CELF1: variants seen among roughly 807,000 people sequenced by gnomAD.
CELF1 encodes 50 kDa nuclear polyadenylated RNA-binding protein.
A neutral mutation model predicts 61.8 loss-of-function variants in CELF1; 10 were observed. That is an observed-to-expected ratio of 0.16 (90% CI 0.10 to 0.27). The LOEUF (loss-of-function observed/expected upper bound fraction) is 0.27. Among genes scored for constraint, CELF1 ranks in the 10% least tolerant of loss-of-function variants. The pLI, the probability that CELF1 is intolerant of heterozygous loss-of-function variation, is 1.00. For synonymous variants in CELF1, 236 were observed against 225.1 expected (o/e 1.05, Z -0.43); for missense variants, 380 against 639.1 (o/e 0.59, Z 4.37).
Position 47,470,804 on chromosome 11 carries a change from C to T in CELF1, c.*1426G>A, listed in dbSNP as rs1472838763. ...TGTACATTCCCAACAGCATGTCCTT[C>T]CTGGTTCTCTACCCCCACAGCACTT... is the stretch of plus-strand genomic sequence containing the variant. On this transcript the variant is annotated 3_prime_UTR_variant, in exon 15 of 15. Transcript: ENST00000687097. 1 of 152,230 alleles carries T rather than the reference C, an allele frequency of 6.6e-6. No homozygotes were observed. Among genetic ancestry groups the T allele is most frequent in the East Asian group, 1.9e-4 (1 of 5,194 alleles). The allele number at this position is 152,230 out of a possible 1,614,324, so 9.4% of individuals were successfully genotyped here.
chr11:47,544,184 T>C (rs902943978), intron 1 of CELF1, among the ~76,000 whole-genome samples: 4 of 152,208 alleles, frequency 2.6e-5, no homozygotes, highest in African/African-American at 9.6e-5. Context: ...AAAGGAACAC[T>C]GACATAGTAG....
chr11:47,488,899 T>C lies in CELF1; in HGVS notation c.197A>G (p.Tyr66Cys). 6.2e-7 allele frequency: 1 copy of C among 1,612,982 alleles called. No homozygotes were observed. Among genetic ancestry groups the C allele is most frequent in the Non-Finnish European group, 8.5e-7 (1 of 1,179,632 alleles). ...EKDLRELFEQ[Y>C]GAVYEINVLR... ...GACGTTGATTTCATACACAGCACCATACTGTTCGAAGAGTTCCCGCAAGTC... is the reference window on the plus strand; with the variant it reads ...GACGTTGATTTCATACACAGCACCACACTGTTCGAAGAGTTCCCGCAAGTC... The change falls in exon 4 of 15, where the codon TAT (tyrosine) becomes TGT (cysteine). Residue 66 changes from tyrosine to cysteine, a missense_variant. Coordinates refer to ENST00000687097, the MANE Select transcript of CELF1 (RefSeq NM_001376376.1).
intron 3 of CELF1, among the ~76,000 whole-genome samples, chr11:47,491,616 A>C (rs2091514990): frequency 6.6e-6 from 1 of 152,288 alleles, no homozygotes; most frequent in Non-Finnish European, 1.5e-5. Flanking sequence ...CAGGTTAACT[A>C]ATCAGCTACA....
intron 2 of CELF1, 165 bp from the exon 3 acceptor site, chr11:47,499,769 T>C (rs1335551987): frequency 4.1e-6 from 2 of 484,516 alleles, no homozygotes; most frequent in Admixed American, 3.7e-5. Context: ...ACAATGAAAG[T>C]GCTGATGCGC....
At chr11:47,530,633 A>G (rs1439772941) in intron 1 of CELF1, among the ~76,000 whole-genome samples, 1 of 152,206 alleles carries the variant, frequency 6.6e-6, no homozygotes, top group Non-Finnish European at 1.5e-5. Flanking sequence ...GTGAGACATG[A>G]AAACTGGGAG....
chr11:47,522,727 G>A (rs188189500), intron 1 of CELF1, among the ~76,000 whole-genome samples: 175 of 151,534 alleles, frequency 1.2e-3, no homozygotes, highest in Non-Finnish European at 2.1e-3. Context: ...CTCAGAGGCT[G>A]AGGCAGGAGA....
At chr11:47,513,935 T>TTC (rs907007562) in intron 1 of CELF1, 1 of 150,442 alleles carries the variant, frequency 6.6e-6, no homozygotes, top group Admixed American at 6.7e-5. Flanking sequence ...ATTTTCCTTT[T>TTC]TTTTTTCCCC....
chr11:47,514,692 C>CA (rs34636337), intron 1 of CELF1, among the ~76,000 whole-genome samples: 44,788 of 106,044 alleles, frequency 0.42, 10,100 homozygotes, highest in South Asian at 0.53. Flanking sequence ...CCTATCTCTA[C>CA]AAAAAAAAAA....
At chr11:47,489,935 G>GTTTTTTTTTTT (rs561900704) in intron 3 of CELF1, among the ~76,000 whole-genome samples, 582 of 48,208 alleles carry the variant, frequency 0.012, 164 homozygotes, top group African/African-American at 0.028. Flanking sequence ...ATACCATCTT[G>GTTTTTTTTTTT]TTTTTTTTTT....
At chr11:47,541,719 AAAGAAAGAACG>A (rs1565904415) in intron 1 of CELF1, among the ~76,000 whole-genome samples, 1 of 7,268 alleles carries the variant, frequency 1.4e-4, no homozygotes, top group African/African-American at 2.9e-4. Context: ...AGAAAGAAAG[AAAGAAAGAACG>A]AAAGAAAGAA....
intron 3 of CELF1, among the ~76,000 whole-genome samples, chr11:47,497,883 G>T (rs1215949263): frequency 6.6e-6 from 1 of 152,180 alleles, no homozygotes; most frequent in Admixed American, 6.5e-5. Flanking sequence ...AGAATGCTGT[G>T]TCAATGTTGG....
At chr11:47,495,958 C>T (rs1404355017) in intron 3 of CELF1, 1 of 984,888 alleles carries the variant, frequency 1.0e-6, no homozygotes, top group Non-Finnish European at 1.2e-6. Flanking sequence ...CCTCCACCTC[C>T]CCAGCAGGCA....
chr11:47,478,966 C>A lies in CELF1; in HGVS notation c.769-14G>T, dbSNP rs1317041198. 1 of 1,605,310 alleles carries A rather than the reference C, an allele frequency of 6.2e-7. No homozygotes were observed. The highest frequency in any genetic ancestry group is 8.5e-7 in the Non-Finnish European group (1 of 1,175,040). On this transcript the variant is annotated splice_polypyrimidine_tract_variant and intron_variant, in intron 9 of 14. Transcript: ENST00000687097. ...CTGCAAATAAAGCTAGACATTACAC[C>A]AAAAAACAGAACAAGAGTGAGAGTG...
At chr11:47,539,647 C>T (rs1433359846) in intron 1 of CELF1, among the ~76,000 whole-genome samples, 2 of 152,116 alleles carry the variant, frequency 1.3e-5, no homozygotes, top group Non-Finnish European at 2.9e-5. Context: ...AAAGTTATTT[C>T]GGCTGAAAAT....
At chr11:47,516,462 A>T (rs1226601652) in intron 1 of CELF1, among the ~76,000 whole-genome samples, 1 of 152,152 alleles carries the variant, frequency 6.6e-6, no homozygotes, top group East Asian at 1.9e-4. Flanking sequence ...GCTACAGCTG[A>T]TAATTAAGCT....
chr11:47,483,315 A>T, intron 8 of CELF1, 138 bp downstream of exon 8: 2 of 690,532 alleles, frequency 2.9e-6, no homozygotes, highest in South Asian at 1.7e-5. Flanking sequence ...TAAAGAAATC[A>T]GTGGTTTTTA....
intron 1 of CELF1, among the ~76,000 whole-genome samples, chr11:47,552,132 C>A (rs181940731): frequency 1.3e-3 from 201 of 152,220 alleles, no homozygotes; most frequent in African/African-American, 4.7e-3. Context: ...CCTTTTTACT[C>A]GAAGGTAATA....
rs117924501 is a variant in CELF1, at chr11:47,532,361, T to C, written c.-154+20631A>G. ...CTTTTATGATGAGAGAAAAACAATG[T>C]ATAGCTTTAAAATGGGGAATCCACA... is the stretch of plus-strand genomic sequence containing the variant. On this transcript the variant is annotated intron_variant, in intron 1 of 14. Coordinates refer to ENST00000687097, the MANE Select transcript of CELF1 (RefSeq NM_001376376.1). Among the ~76,000 whole-genome samples, 406 of 152,286 alleles carry C rather than the reference T, an allele frequency of 2.7e-3. 1 individual carries two copies. Among genetic ancestry groups the C allele is most frequent in the South Asian group, 9.3e-3 (45 of 4,826 alleles).
At position 47,484,398 on chromosome 11, in the gene CELF1, G is replaced by A; in HGVS notation, c.517C>T (p.Leu173=). 3 of 1,612,394 alleles carry A rather than the reference G, an allele frequency of 1.9e-6. No homozygotes were observed. The highest frequency in any genetic ancestry group is 2.2e-5 in the South Asian group (2 of 90,738). Residue 173 remains leucine, a synonymous_variant, in exon 7 of 15, where the codon CTG becomes TTG. Coordinates refer to ENST00000687097, the MANE Select transcript of CELF1 (RefSeq NM_001376376.1). ...AGCTAAAACTACCTACCTCGGCTCAGGCCATCAGGTCCCCGCAATATCCGG... is the reference window on the plus strand; with the variant it reads ...AGCTAAAACTACCTACCTCGGCTCAAGCCATCAGGTCCCCGCAATATCCGG... ...ECRILRGPDG[L]SRGCAFVTFT... is the part of the protein sequence containing the mutation.
Sources: gnomAD v4.1 joint callset for allele counts (sites outside exome capture counted in the v4.1 genomes callset) on GRCh38, gnomAD v4.1.1 for gene constraint, MANE v1.5 for transcripts, NCBI Gene and HGNC (gene_info 2026-07-23, HGNC 2026-07-21) for gene names.